The following UTS2B variants were observed in gnomAD, a reference collection of about 807,000 sequenced individuals.
The protein encoded by UTS2B is urotensin 2B, also known as urotensin-2B.
In UTS2B, 21 loss-of-function variants were observed where a neutral mutation model predicts 19.2. That is an observed-to-expected ratio of 1.09 (90% CI 0.78 to 1.58). The LOEUF (loss-of-function observed/expected upper bound fraction) is 1.58, where lower values mean the gene tolerates loss of function less well. UTS2B is among the 40% of genes most tolerant of loss of function. The pLI is 0.00. For missense variants in UTS2B, 138 were observed against 130.3 expected, an observed-to-expected ratio of 1.06 and a Z score of -0.29; for synonymous variants, 57 against 50.2, an observed-to-expected ratio of 1.14 and a Z score of -0.58.
intron 3 of UTS2B, among the ~76,000 whole-genome samples, chr3:191,314,208 A>T (rs1717384987): frequency 6.6e-6 from 1 of 152,166 alleles, no homozygotes; most frequent in Admixed American, 6.5e-5. Flanking sequence ...CCTACTCTGT[A>T]GATGCTACTT....
At chr3:191,291,942 C>T (rs982521691) in intron 4 of UTS2B, among the ~76,000 whole-genome samples, 2 of 151,786 alleles carry the variant, frequency 1.3e-5, no homozygotes, top group Non-Finnish European at 2.9e-5. Flanking sequence ...AATTTTATTC[C>T]ATTGACCAAT....
intron 4 of UTS2B, among the ~76,000 whole-genome samples, chr3:191,289,801 G>C (rs1716664394): frequency 6.6e-6 from 1 of 152,190 alleles, no homozygotes; most frequent in Non-Finnish European, 1.5e-5. Flanking sequence ...GTGGGGAAGG[G>C]AGAATGTGTA....
chr3:191,336,780 ACCC>A, the UTS2B span, among the ~76,000 whole-genome samples: 1 of 152,158 alleles, frequency 6.6e-6, no homozygotes, highest in African/African-American at 2.4e-5. Flanking sequence ...TACTGTGGCC[ACCC>A]CAATACAAGG....
the UTS2B span, among the ~76,000 whole-genome samples, chr3:191,340,309 T>C: frequency 1.2e-4 from 18 of 152,234 alleles, no homozygotes; most frequent in Admixed American, 1.0e-3. Context: ...CCTTATATAC[T>C]ATCATAAAGT....
intron 8 of UTS2B, among the ~76,000 whole-genome samples, chr3:191,271,200 CAAAAA>C (rs66756396): frequency 0.01 from 536 of 52,730 alleles, 3 homozygotes; most frequent in African/African-American, 0.032. Flanking sequence ...GAGACTCTCT[CAAAAA>C]AAAAAAAAAA....
upstream of UTS2B, among the ~76,000 whole-genome samples, chr3:191,334,475 GA>G (rs1718079976): frequency 6.6e-6 from 1 of 152,094 alleles, no homozygotes; most frequent in South Asian, 2.1e-4. Flanking sequence ...TTTCAGAGTA[GA>G]AAGCACTAAA....
In UTS2B at chr3:191,327,370, A is replaced by G. The variant is rs191057956; in HGVS notation, c.-586+1261T>C. ...AGATTAGCCAGGCGTTGTGGTGCAC[A>G]CCTGTAATCCCAGCTACTCGGGAGG... On this transcript the variant is annotated intron_variant, in intron 2 of 8. Transcript: ENST00000340524. 4.9e-3 allele frequency among the ~76,000 whole-genome samples: 743 copies of G among 152,240 alleles called. 13 individuals are homozygous for G. The highest frequency in any genetic ancestry group is 0.017 in the African/African-American group (700 of 41,542).
chr3:191,334,415 G>A (rs998194661), upstream of UTS2B, among the ~76,000 whole-genome samples: 7 of 152,060 alleles, frequency 4.6e-5, no homozygotes, highest in African/African-American at 1.7e-4. Context: ...GGTACTTAAC[G>A]GACGACTCAC....
chr3:191,278,222 T>C, intron 5 of UTS2B, 52 bp from the exon 6 acceptor site: 1 of 996,180 alleles, frequency 1.0e-6, no homozygotes, highest in Non-Finnish European at 1.5e-6. Flanking sequence ...AAAATATTTC[T>C]AATTAAATTG....
the UTS2B span, among the ~76,000 whole-genome samples, chr3:191,340,036 A>G: frequency 6.6e-6 from 1 of 152,240 alleles, no homozygotes; most frequent in Admixed American, 6.5e-5. Flanking sequence ...ACATTTTTAC[A>G]TGATGTATAA....
chr3:191,304,831 C>T (rs1717094369), intron 3 of UTS2B, among the ~76,000 whole-genome samples: 2 of 152,158 alleles, frequency 1.3e-5, no homozygotes, highest in Admixed American at 6.5e-5. Context: ...TCCCACCCTC[C>T]ACCCTCCAAC....
At chr3:191,296,493 G>A (rs1716861983) in intron 4 of UTS2B, among the ~76,000 whole-genome samples, 2 of 152,148 alleles carry the variant, frequency 1.3e-5, no homozygotes, top group Admixed American at 1.3e-4. Flanking sequence ...GCTTCAATAT[G>A]CCACTGTGTA....
intron 8 of UTS2B, among the ~76,000 whole-genome samples, chr3:191,273,761 A>G (rs1158268784): frequency 6.6e-6 from 1 of 152,258 alleles, no homozygotes; most frequent in African/African-American, 2.4e-5. Flanking sequence ...TCCTTGGCTC[A>G]ATAAACAGAA....
chr3:191,278,269 C>T (rs111883044), intron 5 of UTS2B, 99 bp from the exon 6 acceptor site: 334 of 601,908 alleles, frequency 5.5e-4, no homozygotes, highest in African/African-American at 5.1e-3. Flanking sequence ...TATTTGACAA[C>T]GAAAGAAATG....
intron 4 of UTS2B, among the ~76,000 whole-genome samples, chr3:191,285,384 T>C (rs561955960): frequency 3.9e-5 from 6 of 152,026 alleles, no homozygotes; most frequent in Admixed American, 2.6e-4. Context: ...CCACTAGAGA[T>C]AAATTTTAAT....
At chr3:191,276,976 C>A in intron 6 of UTS2B, 132 bp from the exon 7 acceptor site, 1 of 687,834 alleles carries the variant, frequency 1.5e-6, no homozygotes. Flanking sequence ...CCCATCCATT[C>A]CTAATATAAA....
chr3:191,281,131 C>T (rs1254679949), intron 5 of UTS2B, among the ~76,000 whole-genome samples: 1 of 152,122 alleles, frequency 6.6e-6, no homozygotes, highest in Non-Finnish European at 1.5e-5. Context: ...GAAACTTGAT[C>T]CCTTTTCTCA....
intron 5 of UTS2B, 125 bp from the exon 6 acceptor site, chr3:191,278,295 G>A: frequency 1.9e-6 from 1 of 514,230 alleles, no homozygotes; most frequent in South Asian, 3.2e-5. Flanking sequence ...AGAGTGTATA[G>A]TCTGAAGGGA....
rs113771091 is a variant in UTS2B at position 191,309,329 on chromosome 3, G to A, written c.-181-4781C>T. ...GGCGCCTACCACCACGCCTGGCTAA[G>A]TTTTTGGTTTTTCTTTTTTTTTTTC... On this transcript the variant is annotated intron_variant, in intron 3 of 8. Coordinates refer to ENST00000340524, the MANE Select transcript of UTS2B (RefSeq NM_198152.5). Among the ~76,000 whole-genome samples, 1,174 of 151,278 alleles carry A rather than the reference G, an allele frequency of 7.8e-3. 7 individuals carry two copies. The highest frequency in any genetic ancestry group is 0.014 in the Non-Finnish European group (948 of 67,792).
Sources: allele counts gnomAD v4.1 joint callset (sites outside exome capture counted in the v4.1 genomes callset), GRCh38; gene constraint gnomAD v4.1.1; transcripts MANE v1.5; gene names NCBI Gene and HGNC (gene_info 2026-07-23, HGNC 2026-07-21).